The following CLIP2 variants were observed in gnomAD, a reference collection of about 807,000 sequenced individuals.
CLIP2 encodes CAP-Gly domain containing linker protein 2.
A neutral mutation model predicts 111.7 loss-of-function variants in CLIP2; 41 were observed. The observed-to-expected ratio is 0.37, with a 90% CI of 0.29 to 0.48. The LOEUF is 0.48. CLIP2 is among the 20% of genes least tolerant of loss of function. CLIP2 has a pLI of 0.99. For missense variants in CLIP2, 1,160 were observed against 1,422.1 expected (o/e 0.82, Z 2.96); for synonymous variants, 660 against 644.2 (o/e 1.02, Z -0.37).
intron 8 of CLIP2, chr7:74,364,817 T>G (rs1554310475): frequency 2.2e-6 from 1 of 452,778 alleles, no homozygotes; most frequent in East Asian, 7.0e-5. Context: ...AGCCCAGAAG[T>G]TCAAGACCAG....
chr7:74,321,447 G>T (rs890899519), intron 2 of CLIP2, among the ~76,000 whole-genome samples: 1 of 151,912 alleles, frequency 6.6e-6, no homozygotes, highest in African/African-American at 2.4e-5. Flanking sequence ...ATGTTGCAGC[G>T]CAATTACTTT....
intron 12 of CLIP2, among the ~76,000 whole-genome samples, chr7:74,386,805 C>T (rs1044959837): frequency 5.9e-5 from 9 of 152,050 alleles, no homozygotes; most frequent in Non-Finnish European, 1.3e-4. Flanking sequence ...GGCGGATCAC[C>T]TGAGGTCAGG....
chr7:74,296,548 G>A (rs1788173813), intron 1 of CLIP2, among the ~76,000 whole-genome samples: 2 of 152,040 alleles, frequency 1.3e-5, no homozygotes, highest in African/African-American at 2.4e-5. Context: ...CCAGCACTTT[G>A]GGAGGCTGAG....
At chr7:74,348,440 G>A (rs1789865374) in intron 3 of CLIP2, among the ~76,000 whole-genome samples, 2 of 152,012 alleles carry the variant, frequency 1.3e-5, no homozygotes, top group East Asian at 1.9e-4. Flanking sequence ...AGGATCCCTT[G>A]AGCCTAGGAA....
chr7:74,298,583 AG>A, intron 1 of CLIP2, among the ~76,000 whole-genome samples: 1 of 151,076 alleles, frequency 6.6e-6, no homozygotes, highest in East Asian at 2.0e-4. Flanking sequence ...GTTGGAGTGC[AG>A]TGGCGTGGCG....
chr7:74,386,259 G>A, intron 11 of CLIP2: 2 of 292,020 alleles, frequency 6.8e-6, no homozygotes, highest in South Asian at 7.1e-5. Flanking sequence ...TGTTTGTCTT[G>A]AACCCCCTGA....
intron 16 of CLIP2, among the ~76,000 whole-genome samples, chr7:74,403,214 C>CAA (rs35885639): frequency 2.2e-3 from 251 of 113,094 alleles, no homozygotes; most frequent in African/African-American, 7.4e-3. Flanking sequence ...GAGACTGTCT[C>CAA]AAAAAAAAAA....
At chr7:74,397,308 A>T in intron 14 of CLIP2, 75 bp downstream of exon 14, 2 of 1,484,214 alleles carry the variant, frequency 1.3e-6, no homozygotes, top group Non-Finnish European at 1.8e-6. Flanking sequence ...CTGTCAGGCC[A>T]TGGAGACTGG....
At chr7:74,383,592 A>G (rs1475745239) in intron 11 of CLIP2, among the ~76,000 whole-genome samples, 7 of 152,230 alleles carry the variant, frequency 4.6e-5, no homozygotes, top group Admixed American at 2.6e-4. Context: ...TTAACATAAC[A>G]TACAATCAGC....
intron 1 of CLIP2, among the ~76,000 whole-genome samples, chr7:74,294,981 G>A (rs1163717707): frequency 6.6e-6 from 1 of 152,044 alleles, no homozygotes; most frequent in Non-Finnish European, 1.5e-5. Flanking sequence ...TTTGTTTTGA[G>A]ACAGGGCCTG....
At chr7:74,312,565 C>G (rs782394096) in intron 1 of CLIP2, among the ~76,000 whole-genome samples, 4 of 152,208 alleles carry the variant, frequency 2.6e-5, no homozygotes, top group Non-Finnish European at 5.9e-5. Context: ...CCTAACCAAG[C>G]TCTCGGAGAG....
chr7:74,392,303 A>T, intron 13 of CLIP2, among the ~76,000 whole-genome samples: 1 of 150,946 alleles, frequency 6.6e-6, no homozygotes, highest in Non-Finnish European at 1.5e-5. Flanking sequence ...GTGAGCCAAG[A>T]TCACGCCGCT....
intron 4 of CLIP2, among the ~76,000 whole-genome samples, chr7:74,354,937 T>G (rs782177846): frequency 1.1e-4 from 17 of 152,232 alleles, no homozygotes; most frequent in Admixed American, 6.5e-4. Context: ...ACAGCATCTC[T>G]GATGAAAAGG....
chr7:74,389,352 G>A, intron 13 of CLIP2, 93 bp downstream of exon 13: 2 of 1,342,962 alleles, frequency 1.5e-6, no homozygotes, highest in Middle Eastern at 2.6e-4. Context: ...GGGGCAGAGA[G>A]GGGGATAGAG....
At chr7:74,294,526 T>C (rs1207614361) in intron 1 of CLIP2, among the ~76,000 whole-genome samples, 1 of 152,164 alleles carries the variant, frequency 6.6e-6, no homozygotes, top group Non-Finnish European at 1.5e-5. Context: ...TTCATTTCCC[T>C]CCTTTGCCTT....
chr7:74,315,240 C>T (rs980834198), intron 1 of CLIP2, among the ~76,000 whole-genome samples: 20 of 152,174 alleles, frequency 1.3e-4, no homozygotes, highest in East Asian at 1.9e-4. Flanking sequence ...GCTGTCACTG[C>T]GCTCTAGCCT....
At position 74,372,958 on chromosome 7, in the gene CLIP2, C is replaced by T; in HGVS notation, c.1407C>T (p.Arg469=). 6.3e-7 allele frequency: 1 copy of T among 1,593,194 alleles called. No homozygotes were observed. Among genetic ancestry groups the T allele is most frequent in the Non-Finnish European group, 8.5e-7 (1 of 1,172,618 alleles). The change falls in exon 9 of 17, where the codon CGC becomes CGT. Residue 469 remains arginine (R), a synonymous_variant. Transcript: ENST00000223398. ...CCCAGACGCAGCTGGAGCACGCGCG[C>T]ATTGGGGAGCTGGAACAGAGCCTGC... ...LETQTQLEHA[R]IGELEQSLLL... is the part of the protein sequence containing the mutation.
intron 5 of CLIP2, 33 bp from the exon 6 acceptor site, chr7:74,357,247 C>A: frequency 6.2e-7 from 1 of 1,606,460 alleles, no homozygotes; most frequent in Non-Finnish European, 8.5e-7. Flanking sequence ...CTTCAGATCC[C>A]TGAGACCCGC....
At chr7:74,403,611 CCTCGG>C (rs1791684239) in intron 16 of CLIP2, among the ~76,000 whole-genome samples, 1 of 152,082 alleles carries the variant, frequency 6.6e-6, no homozygotes, top group Non-Finnish European at 1.5e-5. Context: ...TGCTTCTTCC[CCTCGG>C]CTCCGCTTCC....
Sources: gnomAD v4.1 joint callset for allele counts (sites outside exome capture counted in the v4.1 genomes callset) on GRCh38, gnomAD v4.1.1 for gene constraint, MANE v1.5 for transcripts, NCBI Gene and HGNC (gene_info 2026-07-23, HGNC 2026-07-21) for gene names.